The following L3MBTL4 variants were observed in gnomAD, a reference collection of about 807,000 sequenced individuals.
L3MBTL4 encodes the protein L3MBTL histone methyl-lysine binding protein 4.
Under a neutral mutation model 84.5 loss-of-function variants are expected in L3MBTL4, and 70 were observed. The observed-to-expected ratio is 0.83, with a 90% CI of 0.68 to 1.01. The LOEUF is 1.01. L3MBTL4 is among the 50% of genes least tolerant of loss of function. The pLI is 0.00. For synonymous variants in L3MBTL4, 274 were observed against 259.8 expected, an observed-to-expected ratio of 1.05 and a Z score of -0.52; for missense variants, 715 against 754.8, an observed-to-expected ratio of 0.95 and a Z score of 0.62.
At chr18:6,333,567 C>G (rs962906548) in intron 1 of L3MBTL4, among the ~76,000 whole-genome samples, 1 of 147,272 alleles carries the variant, frequency 6.8e-6, no homozygotes, top group African/African-American at 2.5e-5. Context: ...AAGTGAGACT[C>G]CATCTCAAAA....
At chr18:6,094,562 G>A (rs951082275) in intron 14 of L3MBTL4, among the ~76,000 whole-genome samples, 3 of 151,994 alleles carry the variant, frequency 2.0e-5, no homozygotes, top group African/African-American at 7.2e-5. Context: ...CATCAATATC[G>A]AGGCAGTTGA....
rs2048185965 is a variant in L3MBTL4, at chr18:6,257,314, A to G, written c.219+6633T>C. On this transcript the variant is annotated intron_variant, in intron 5 of 18. Coordinates refer to ENST00000317931, the MANE Select transcript of L3MBTL4 (RefSeq NM_001330559.2). The stretch of plus-strand genomic sequence containing the variant: ...AAACAAGAAGAAAGAAACCCAAGTC[A>G]GGCTTCCAGGAGATCACAATTTCAC... Among the ~76,000 whole-genome samples, 3 of 152,170 alleles carry G rather than the reference A, an allele frequency of 2.0e-5. No individual in the cohort carries two copies. In the South Asian group the frequency reaches 6.2e-4, roughly 31 times the overall value.
chr18:6,023,933 T>A (rs1332571643), intron 16 of L3MBTL4, among the ~76,000 whole-genome samples: 1 of 152,256 alleles, frequency 6.6e-6, no homozygotes, highest in Non-Finnish European at 1.5e-5. Flanking sequence ...TATTACGCTT[T>A]TTACAAGTCT....
chr18:6,038,249 A>AT (rs1466729036), intron 16 of L3MBTL4, among the ~76,000 whole-genome samples: 3 of 88,524 alleles, frequency 3.4e-5, no homozygotes, highest in African/African-American at 1.3e-4. Context: ...CCATTTCTGG[A>AT]TCTTTTTTTT....
At chr18:6,104,028 C>T (rs976226667) in intron 14 of L3MBTL4, among the ~76,000 whole-genome samples, 2 of 152,166 alleles carry the variant, frequency 1.3e-5, no homozygotes, top group Non-Finnish European at 2.9e-5. Flanking sequence ...GCATGCATTT[C>T]GGATCTCAAT....
At chr18:6,258,968 A>G (rs1022413579) in intron 5 of L3MBTL4, among the ~76,000 whole-genome samples, 6 of 151,948 alleles carry the variant, frequency 3.9e-5, no homozygotes, top group Admixed American at 2.6e-4. Flanking sequence ...GCAAGTAGAA[A>G]TAGGGTAAGA....
intron 1 of L3MBTL4, among the ~76,000 whole-genome samples, chr18:6,387,785 G>A (rs565179164): frequency 3.5e-4 from 54 of 152,336 alleles, no homozygotes; most frequent in African/African-American, 1.3e-3. Flanking sequence ...GCCCCTAATC[G>A]TGATGAGTAG....
At chr18:6,384,274 C>G (rs574636244) in intron 1 of L3MBTL4, among the ~76,000 whole-genome samples, 7 of 152,224 alleles carry the variant, frequency 4.6e-5, no homozygotes, top group African/African-American at 1.7e-4. Flanking sequence ...CACACACACT[C>G]ATATATATAC....
intron 4 of L3MBTL4, among the ~76,000 whole-genome samples, chr18:6,269,706 C>T (rs956979424): frequency 1.6e-4 from 25 of 152,210 alleles, no homozygotes; most frequent in African/African-American, 5.3e-4. Context: ...ATGAATTAAG[C>T]GCAGTTTATA....
intron 16 of L3MBTL4, among the ~76,000 whole-genome samples, chr18:6,059,504 C>T (rs1431841960): frequency 6.6e-6 from 1 of 152,028 alleles, no homozygotes; most frequent in Non-Finnish European, 1.5e-5. Context: ...AGCAAGAAAA[C>T]TGGCTTTCTC....
At chr18:6,325,931 G>C (rs1043059495) in intron 1 of L3MBTL4, among the ~76,000 whole-genome samples, 8 of 152,106 alleles carry the variant, frequency 5.3e-5, no homozygotes, top group Non-Finnish European at 1.0e-4. Context: ...TTTCAGCAAG[G>C]CTTGCTCCTT....
chr18:6,022,851 T>C (rs2055330996), intron 16 of L3MBTL4, among the ~76,000 whole-genome samples: 2 of 152,240 alleles, frequency 1.3e-5, no homozygotes. Context: ...GTGCCTTCTG[T>C]ACAAAGGCAG....
chr18:6,322,671 A>G (rs2051489553), intron 1 of L3MBTL4, among the ~76,000 whole-genome samples: 1 of 152,226 alleles, frequency 6.6e-6, no homozygotes, highest in African/African-American at 2.4e-5. Context: ...AGTATTATTC[A>G]ACCATAAAAA....
At chr18:6,023,954 T>C (rs561872058) in intron 16 of L3MBTL4, among the ~76,000 whole-genome samples, 6 of 152,350 alleles carry the variant, frequency 3.9e-5, no homozygotes, top group South Asian at 2.1e-4. Flanking sequence ...GTCAGTCTCC[T>C]TTAAAAAACC....
chr18:6,061,068 TAAGAAACTTTGC>T (rs2057202438), intron 16 of L3MBTL4, among the ~76,000 whole-genome samples: 1 of 152,176 alleles, frequency 6.6e-6, no homozygotes, highest in Non-Finnish European at 1.5e-5. Flanking sequence ...TTTACTTTCG[TAAGAAACTTTGC>T]AAGAAACTAC....
At chr18:6,139,758 A>G (rs1176826475) in intron 13 of L3MBTL4, among the ~76,000 whole-genome samples, 1 of 151,970 alleles carries the variant, frequency 6.6e-6, no homozygotes, top group Non-Finnish European at 1.5e-5. Context: ...AGCCCTCCAC[A>G]GGGGTCACAT....
intron 16 of L3MBTL4, chr18:6,080,133 T>A (rs2058023665): frequency 6.6e-6 from 1 of 152,276 alleles, no homozygotes; most frequent in Non-Finnish European, 1.5e-5. Context: ...CAGCACAGTG[T>A]GCTAATTCAC....
chr18:6,074,874 G>C (rs1598653101), intron 16 of L3MBTL4, among the ~76,000 whole-genome samples: 2 of 151,894 alleles, frequency 1.3e-5, no homozygotes, highest in South Asian at 4.2e-4. Flanking sequence ...ATATAATTCA[G>C]CACATTAAAA....
intron 1 of L3MBTL4, among the ~76,000 whole-genome samples, chr18:6,328,950 T>C (rs191358444): frequency 2.0e-5 from 3 of 152,258 alleles, no homozygotes; most frequent in Admixed American, 6.5e-5. Context: ...GTAACATACA[T>C]GCAGAAAAAT....
Sources: allele counts gnomAD v4.1 joint callset (sites outside exome capture counted in the v4.1 genomes callset), GRCh38; gene constraint gnomAD v4.1.1; transcripts MANE v1.5; gene names NCBI Gene and HGNC (gene_info 2026-07-23, HGNC 2026-07-21).